PIGN: variants seen among roughly 807,000 people sequenced by gnomAD.
PIGN encodes phosphatidylinositol glycan anchor biosynthesis class N.
Under a neutral mutation model 125.4 loss-of-function variants are expected in PIGN, and 117 were observed. The observed-to-expected ratio is 0.93, with a 90% CI of 0.80 to 1.09. PIGN has a LOEUF of 1.09. PIGN is among the 50% of genes least tolerant of loss of function. The pLI is 0.00. For synonymous variants in PIGN, 392 were observed against 377.8 expected, an observed-to-expected ratio of 1.04 and a Z score of -0.44; for missense variants, 1,075 against 1,094.9, an observed-to-expected ratio of 0.98 and a Z score of 0.26.
downstream of PIGN, among the ~76,000 whole-genome samples, chr18:62,039,683 CA>C (rs2030317177): frequency 1.7e-5 from 2 of 120,864 alleles, no homozygotes; most frequent in Non-Finnish European, 3.8e-5. Flanking sequence ...AGGGCCCATC[CA>C]GGGTGCCGCA....
intron 1 of PIGN, chr18:62,186,359 T>C (rs760853671): frequency 1.3e-5 from 2 of 152,252 alleles, no homozygotes; most frequent in African/African-American, 2.4e-5. Flanking sequence ...TGGAGCTGAT[T>C]TTATAACAAC....
chr18:62,107,067 G>T lies in PIGN; in HGVS notation c.1593C>A (p.Asp531Glu), dbSNP rs768522173. The part of the protein sequence containing the change: ...AVLREFQVIQ[D>E]LVVSVLTYPL... ...GATAGGTCAACACTGATACAACAAG[G>T]TCCTGAATAACTTGAAATCTGTTTC... The change falls in exon 18 of 31, where the codon GAC becomes GAA. Residue 531 changes from aspartate to glutamate, a missense_variant. Asp to Glu is a conservative substitution (Grantham distance 45). Transcript: ENST00000640252. 34 of 1,581,138 alleles carry T rather than the reference G, an allele frequency of 2.2e-5. No individual in the cohort carries two copies. The highest frequency in any genetic ancestry group is 2.9e-5 in the Non-Finnish European group (34 of 1,162,366).
chr18:62,157,921 C>A, intron 4 of PIGN, 113 bp from the exon 5 acceptor site: 1 of 1,004,250 alleles, frequency 1.0e-6, no homozygotes, highest in Non-Finnish European at 1.4e-6. Flanking sequence ...AAACTTAAGT[C>A]AAAACTTAAG....
At chr18:62,073,772 G>A (rs1270825143) in intron 29 of PIGN, among the ~76,000 whole-genome samples, 1 of 152,158 alleles carries the variant, frequency 6.6e-6, no homozygotes, top group African/African-American at 2.4e-5. Flanking sequence ...GGCATGGGAT[G>A]TTATATGGTG....
At chr18:62,148,538 C>T (rs1268737419) in intron 7 of PIGN, among the ~76,000 whole-genome samples, 200 bp from the exon 8 acceptor site, 1 of 152,016 alleles carries the variant, frequency 6.6e-6, no homozygotes, top group African/African-American at 2.4e-5. Context: ...TAGCTGTTTT[C>T]TCTGTTATAA....
At chr18:62,028,713 T>C (rs2030157331) in intron 23 of PIGN, among the ~76,000 whole-genome samples, 1 of 152,246 alleles carries the variant, frequency 6.6e-6, no homozygotes. Context: ...AGAGATGGCA[T>C]TGTTCCTTTG....
chr18:62,131,000 GT>G (rs935218268), intron 14 of PIGN, among the ~76,000 whole-genome samples: 6 of 151,890 alleles, frequency 4.0e-5, no homozygotes, highest in Non-Finnish European at 8.8e-5. Context: ...ATGCACAGAA[GT>G]TTTTTTTAAA....
intron 30 of PIGN, chr18:62,070,407 T>C: frequency 2.5e-6 from 1 of 398,538 alleles, no homozygotes; most frequent in Non-Finnish European, 4.4e-6. Context: ...GTATGGCATG[T>C]AAGAGATTCA....
At chr18:62,170,918 C>G (rs2037324984) in intron 1 of PIGN, among the ~76,000 whole-genome samples, 1 of 152,136 alleles carries the variant, frequency 6.6e-6, no homozygotes, top group African/African-American at 2.4e-5. Context: ...AAGATCAAAC[C>G]AGCCACAACA....
At position 62,109,402 on chromosome 18, in the gene PIGN, C is replaced by T. The variant is rs2298783; in HGVS notation, c.1574+432G>A. ...ACAAAGTTTAATTTATCTAGATCTA[C>T]ACAATCGCTAGGAAAGGAGGAGTCA... On this transcript the variant is annotated intron_variant, in intron 17 of 30. Transcript: ENST00000640252. 2.6e-5 allele frequency among the ~76,000 whole-genome samples: 4 copies of T among 152,264 alleles called. No homozygotes were observed. In the East Asian group the frequency reaches 7.7e-4, roughly 29 times the overall value.
intron 6 of PIGN, among the ~76,000 whole-genome samples, chr18:62,155,587 AAG>A (rs2036701008): frequency 6.6e-6 from 1 of 151,988 alleles, no homozygotes. Context: ...CAAAAACAAA[AAG>A]AGAGATATAT....
chr18:62,103,890 TTC>T (rs2034541511), intron 20 of PIGN: 1 of 152,194 alleles, frequency 6.6e-6, no homozygotes, highest in Non-Finnish European at 1.5e-5. Flanking sequence ...TTTGCTTTTT[TTC>T]TCTTTCTTAA....
chr18:62,085,151 AG>A, intron 26 of PIGN, 57 bp downstream of exon 26: 1 of 919,720 alleles, frequency 1.1e-6, no homozygotes, highest in Non-Finnish European at 1.7e-6. Context: ...AAGGTATAGA[AG>A]TCCCAGGTTG....
chr18:62,092,048 A>G (rs1017004858), intron 23 of PIGN, among the ~76,000 whole-genome samples: 1 of 152,218 alleles, frequency 6.6e-6, no homozygotes, highest in Non-Finnish European at 1.5e-5. Flanking sequence ...GCTATTACAA[A>G]TTATAAAATT....
At chr18:62,113,066 T>G in intron 16 of PIGN, 68 bp downstream of exon 16, 1 of 1,197,432 alleles carries the variant, frequency 8.4e-7, no homozygotes, top group Non-Finnish European at 1.2e-6. Flanking sequence ...TCCTATAAAC[T>G]CATTACACTG....
intron 30 of PIGN, among the ~76,000 whole-genome samples, chr18:62,064,700 T>C (rs1312965661): frequency 6.6e-6 from 1 of 152,210 alleles, no homozygotes; most frequent in Non-Finnish European, 1.5e-5. Context: ...GATATTCTAC[T>C]CTAGTAATAT....
intron 1 of PIGN, among the ~76,000 whole-genome samples, chr18:62,175,846 T>C (rs773416556): frequency 4.6e-5 from 7 of 152,150 alleles, no homozygotes; most frequent in Non-Finnish European, 1.0e-4. Context: ...TAATGTAGCA[T>C]CAAGTCAAAG....
At position 62,167,697 on chromosome 18, in the gene PIGN, T is replaced by A. The variant is rs570670303; in HGVS notation, c.-235-4041A>T. 4.7e-3 allele frequency among the ~76,000 whole-genome samples: 543 copies of A among 115,652 alleles called. 11 individuals are homozygous for A. The highest frequency in any genetic ancestry group is 0.04 in the Admixed American group (484 of 12,016). The allele number at this position is 115,652 out of a possible 152,430, so 75.9% of individuals were successfully genotyped here. On this transcript the variant is annotated intron_variant, in intron 1 of 30. Transcript: ENST00000640252. ...ATAACACACTCTCTCTCTCTCTCTC[T>A]ACATATATATATATATACACACACA...
chr18:62,056,107 G>A (rs1460223386), intron 30 of PIGN, among the ~76,000 whole-genome samples: 3 of 139,226 alleles, frequency 2.2e-5, no homozygotes, highest in South Asian at 2.4e-4. Context: ...AACCTAATAA[G>A]ATCAGACTCT....
Sources: allele counts gnomAD v4.1 joint callset (sites outside exome capture counted in the v4.1 genomes callset), GRCh38; gene constraint gnomAD v4.1.1; transcripts MANE v1.5; gene names NCBI Gene and HGNC (gene_info 2026-07-23, HGNC 2026-07-21).